UBR4: variants seen among roughly 807,000 people sequenced by gnomAD.
UBR4 encodes the protein ubiquitin protein ligase E3 component n-recognin 4.
Under a neutral mutation model 575.6 loss-of-function variants are expected in UBR4, and 124 were observed. The observed-to-expected ratio is 0.22, with a 90% CI of 0.19 to 0.25. The LOEUF is 0.25. Among genes scored for constraint, UBR4 ranks in the 10% least tolerant of loss-of-function variants. The pLI, the probability that UBR4 is intolerant of heterozygous loss-of-function variation, is 1.00. For missense variants in UBR4, 4,818 were observed against 6,478.8 expected, an observed-to-expected ratio of 0.74 and a Z score of 8.80; for synonymous variants, 2,455 against 2,473.7, an observed-to-expected ratio of 0.99 and a Z score of 0.22.
At chr1:19,082,424 A>G (rs1193476281) in intron 102 of UBR4, among the ~76,000 whole-genome samples, 2 of 152,380 alleles carry the variant, frequency 1.3e-5, no homozygotes, top group Non-Finnish European at 2.9e-5. Flanking sequence ...TAGCCTGTCC[A>G]TCTTAACCCT....
Position 19,155,632 on chromosome 1 carries a change from A to C in UBR4, c.6109T>G (p.Phe2037Val). 6.2e-7 allele frequency: 1 copy of C among 1,614,172 alleles called. No individual in the cohort carries two copies. Among genetic ancestry groups the C allele is most frequent in the Non-Finnish European group, 8.5e-7 (1 of 1,180,022 alleles). Residue 2037 changes from phenylalanine (F) to valine (V), a missense_variant, in exon 43 of 106, where the codon TTC (phenylalanine) becomes GTC (valine). Phe to Val is a conservative substitution (Grantham distance 50). Transcript: ENST00000375254. ...DLCVDALSPT[F>V]YFLLPSSKIR... ...TTTGAGCTTGGCAGGAGAAAATAGA[A>C]GGTTGGACTCAAGGCATCAACACAC... is the stretch of plus-strand genomic sequence containing the variant.
chr1:19,105,145 T>C lies in UBR4; in HGVS notation c.12548A>G (p.Tyr4183Cys), dbSNP rs1466066207. 1.9e-6 allele frequency: 3 copies of C among 1,613,966 alleles called. No homozygotes were observed. The highest frequency in any genetic ancestry group is 2.7e-5 in the African/African-American group (2 of 74,892). Reference protein sequence around the residue: ...LSIAGECAAEYLALYQKLITS... With the variant: ...LSIAGECAAECLALYQKLITS... ...GATGAGCTTCTGGTAGAGAGCCAGG[T>C]ACTCAGCTGCACACTCCCCAGCTAT... Residue 4183 changes from tyrosine to cysteine, a missense_variant, in exon 85 of 106, where the codon TAC (tyrosine) becomes TGC (cysteine). By Grantham distance (194) the Tyr-to-Cys change is radical. Around this residue, in one of 29 missense-constraint regions of UBR4, gnomAD observed 178 missense variants for 175.5 expected, o/e 1.01. Coordinates refer to ENST00000375254, the MANE Select transcript of UBR4 (RefSeq NM_020765.3).
At position 19,179,988 on chromosome 1, in the gene UBR4, G is replaced by C. The variant is rs958390839; in HGVS notation, c.2185-768C>G. ...ACTCTTCCCTGGAAATGAATGTTTC[G>C]CAAAATGTCGCTGGCCTCAAGAGCA... On this transcript the variant is annotated intron_variant, in intron 17 of 105. Transcript: ENST00000375254. 1.1e-4 allele frequency among the ~76,000 whole-genome samples: 17 copies of C among 152,212 alleles called. No individual in the cohort carries two copies. The East Asian group carries it at 1.2e-3, about 10-fold the overall frequency.
chr1:19,150,882 G>A (rs2085587065), intron 48 of UBR4, 89 bp from the exon 49 acceptor site: 1 of 1,274,886 alleles, frequency 7.8e-7, no homozygotes, highest in South Asian at 1.3e-5. Flanking sequence ...GAGCAAAGAA[G>A]TAAATCACGT....
chr1:19,170,148 G>A (rs888457041), intron 26 of UBR4, among the ~76,000 whole-genome samples: 2 of 152,082 alleles, frequency 1.3e-5, no homozygotes, highest in African/African-American at 4.8e-5. Flanking sequence ...ATTTTTCCAG[G>A]CACAAAGTAC....
Position 19,088,669 on chromosome 1 carries a change from TTCCCCA to T in UBR4, c.14430+84_14430+89del. The T allele has an allele frequency of 7.3e-7, 1 of 1,364,938 alleles. No homozygotes were observed. The highest frequency in any genetic ancestry group is 1.8e-5 in the Admixed American group (1 of 54,624). 84.6% of individuals were successfully genotyped at this position (1,364,938 alleles called of 1,614,324 possible). Reference sequence around the variant, plus strand: ...CCTCCTACTCTGTCCAGCCTTCTCTTTCCCCATGGCCAACCCCAGGGCTGTCCCATG... The same window carrying T: ...CCTCCTACTCTGTCCAGCCTTCTCTTTGGCCAACCCCAGGGCTGTCCCATG... On this transcript the variant is annotated intron_variant, in intron 98 of 105. Coordinates refer to ENST00000375254, the MANE Select transcript of UBR4 (RefSeq NM_020765.3). This position sits in a 1 kb window ranked among gnomAD's most constrained non-coding sequence, Gnocchi z 4.0.
At chr1:19,176,812 C>A in intron 19 of UBR4, 85 bp from the exon 20 acceptor site, 2 of 1,456,818 alleles carry the variant, frequency 1.4e-6, no homozygotes, top group Non-Finnish European at 9.3e-7. Flanking sequence ...GCTCGGTACA[C>A]TGAATCTTGG....
Position 19,088,758 on chromosome 1 carries a change from C to T in UBR4, c.14430+1G>A. 1 of 1,612,962 alleles carries T rather than the reference C, an allele frequency of 6.2e-7. No individual in the cohort carries two copies. The highest frequency in any genetic ancestry group is 8.5e-7 in the Non-Finnish European group (1 of 1,179,942). ...ATGGGGACTCTAGGTGGTAGCTTTACCGTCATGCCCAGGGTGCCCAGGGCC... is the reference window on the plus strand; with the variant it reads ...ATGGGGACTCTAGGTGGTAGCTTTATCGTCATGCCCAGGGTGCCCAGGGCC... On this transcript the variant is annotated splice_donor_variant, in intron 98 of 105. Transcript: ENST00000375254. LOFTEE classifies it high-confidence loss of function. The surrounding 1 kb of genome is among the most constrained non-coding windows in gnomAD (Gnocchi z 4.0).
At chr1:19,079,000 A>G (rs1033578622) in intron 103 of UBR4, 12 of 152,226 alleles carry the variant, frequency 7.9e-5, no homozygotes, top group Non-Finnish European at 1.5e-4. Flanking sequence ...CACATCTGTA[A>G]TAAGTAAAGC....
rs779183257 is a variant in UBR4 at position 19,152,484 on chromosome 1, G to T, written c.6833-8C>A. On this transcript the variant is annotated splice_polypyrimidine_tract_variant and splice_region_variant and intron_variant, in intron 46 of 105. Coordinates refer to ENST00000375254, the MANE Select transcript of UBR4 (RefSeq NM_020765.3). The surrounding 1 kb of genome is among the most constrained non-coding windows in gnomAD (Gnocchi z 4.4). ...GGCTAGACGTGCGGGTTGCTGCAGA[G>T]AACGGTACCAGATCGTCAAGAGTCT... The T allele has an allele frequency of 4.3e-6, 7 of 1,613,630 alleles. No individual in the cohort carries two copies. The highest frequency in any genetic ancestry group is 2.2e-5 in the East Asian group (1 of 44,884).
chr1:19,197,402 G>A, intron 7 of UBR4, 137 bp from the exon 8 acceptor site: 1 of 1,304,822 alleles, frequency 7.7e-7, no homozygotes, highest in East Asian at 2.5e-5. Flanking sequence ...GCCAAGGCAG[G>A]AGGATTGCTT....
chr1:19,099,815 T>TA (rs1176386807), intron 89 of UBR4, 138 bp from the exon 90 acceptor site: 9 of 688,870 alleles, frequency 1.3e-5, no homozygotes, highest in Non-Finnish European at 2.1e-5. Flanking sequence ...CTCCCACTCT[T>TA]AAAAAATCCG....
Position 19,198,044 on chromosome 1 carries a change from T to G in UBR4, c.654A>C (p.Glu218Asp), listed in dbSNP as rs1203994724. 6.2e-7 allele frequency: 1 copy of G among 1,613,706 alleles called. No homozygotes were observed. The highest frequency in any genetic ancestry group is 8.5e-7 in the Non-Finnish European group (1 of 1,179,970). ...SQPISTQTLVEGENDEQSSTD... is the reference protein window; with the variant it reads ...SQPISTQTLVDGENDEQSSTD... ...TAGATGACTGCTCATCATTTTCTCC[T>G]TCCACCTGAAAAGAAACATAAGGCC... The change falls in exon 6 of 106, where the codon GAA (glutamate) becomes GAC (aspartate). Residue 218 changes from glutamate to aspartate, a missense_variant. Physicochemically the swap from Glu to Asp is conservative, Grantham distance 45. Around this residue, in one of 29 missense-constraint regions of UBR4, gnomAD observed 83 missense variants for 77.3 expected, o/e 1.07. Coordinates refer to ENST00000375254, the MANE Select transcript of UBR4 (RefSeq NM_020765.3).
Position 19,110,877 on chromosome 1 carries a change from T to C in UBR4, c.11802-45A>G. ...TGGAGTCCTATAATTCACAATCAGG[T>C]GTGACACTCCTTTCCACCTGAAGGG... On this transcript the variant is annotated intron_variant, in intron 78 of 105. Transcript: ENST00000375254. This position sits in a 1 kb window ranked among gnomAD's most constrained non-coding sequence, Gnocchi z 4.5. The C allele has an allele frequency of 1.9e-6, 3 of 1,576,264 alleles. No homozygotes were observed. Among genetic ancestry groups the C allele is most frequent in the Non-Finnish European group, 2.6e-6 (3 of 1,151,564 alleles).
At chr1:19,141,320 C>A (rs764206974) in intron 57 of UBR4, 27 bp downstream of exon 57, 1 of 1,614,034 alleles carries the variant, frequency 6.2e-7, no homozygotes. Flanking sequence ...GCCAATGGGC[C>A]GCTTTGTTCT....
intron 8 of UBR4, among the ~76,000 whole-genome samples, chr1:19,194,922 G>A (rs1489236312): frequency 1.3e-5 from 2 of 151,842 alleles, no homozygotes; most frequent in African/African-American, 4.8e-5. Flanking sequence ...AATCTAGCCT[G>A]GGCAACATAG....
intron 90 of UBR4, among the ~76,000 whole-genome samples, chr1:19,098,585 G>A (rs1557565819): frequency 6.6e-6 from 1 of 152,166 alleles, no homozygotes; most frequent in Admixed American, 6.5e-5. Context: ...TACAATGTCT[G>A]TAACAAGAGG....
chr1:19,131,798 G>C (rs935307193), intron 60 of UBR4, among the ~76,000 whole-genome samples: 1 of 152,148 alleles, frequency 6.6e-6, no homozygotes, highest in Admixed American at 6.5e-5. Context: ...GCTTGAACCC[G>C]GGCGGCAGAG....
chr1:19,156,067 C>T (rs1374610871), intron 42 of UBR4, among the ~76,000 whole-genome samples: 2 of 152,034 alleles, frequency 1.3e-5, no homozygotes, highest in Admixed American at 6.6e-5. Flanking sequence ...AGTGGAGTGG[C>T]GTGGCATGAT....
Sources: gnomAD v4.1 joint callset for allele counts (sites outside exome capture counted in the v4.1 genomes callset) on GRCh38, gnomAD v4.1.1 for gene constraint, gnomAD v4.1.1 regional missense constraint, Gnocchi (gnomAD v3.1) non-coding constraint, MANE v1.5 for transcripts, NCBI Gene and HGNC (gene_info 2026-07-23, HGNC 2026-07-21) for gene names.